The following CCDC187 variants were observed in gnomAD, a reference collection of about 807,000 sequenced individuals.
CCDC187 encodes coiled-coil domain-containing protein 187.
A neutral mutation model predicts 38.0 loss-of-function variants in CCDC187; 32 were observed. The observed-to-expected ratio is 0.84, with a 90% confidence interval of 0.64 to 1.13. CCDC187 has a LOEUF of 1.13. Among genes scored for constraint, CCDC187 ranks in the 50% most tolerant of loss-of-function variants. The pLI, the probability that CCDC187 is intolerant of heterozygous loss-of-function variation, is 0.00. For synonymous variants in CCDC187, 333 were observed against 347.9 expected (o/e 0.96, Z 0.48); for missense variants, 707 against 786.8 (o/e 0.90, Z 1.21).
chr9:136,293,359 A>C (rs1172988787), intron 4 of CCDC187, among the ~76,000 whole-genome samples: 1 of 134,738 alleles, frequency 7.4e-6, no homozygotes, highest in Admixed American at 7.3e-5. Flanking sequence ...GCTCACACAC[A>C]TTCACATGCT....
chr9:136,273,285 A>C (rs574983462), intron 14 of CCDC187, among the ~76,000 whole-genome samples: 1 of 152,226 alleles, frequency 6.6e-6, no homozygotes, highest in Non-Finnish European at 1.5e-5. Context: ...ACACACTTCA[A>C]ATACAAAGAT....
At chr9:136,283,791 T>C (rs1258301220) in intron 9 of CCDC187, among the ~76,000 whole-genome samples, 1 of 152,172 alleles carries the variant, frequency 6.6e-6, no homozygotes, top group Non-Finnish European at 1.5e-5. Flanking sequence ...GAAATTAACC[T>C]TTTCAAAAAT....
intron 18 of CCDC187, among the ~76,000 whole-genome samples, chr9:136,262,736 G>A (rs1830694554): frequency 6.6e-6 from 1 of 152,182 alleles, no homozygotes; most frequent in Admixed American, 6.5e-5. Flanking sequence ...CAGGTTGCTG[G>A]TGTCCCCTCT....
At chr9:136,275,520 C>T (rs938539662) in intron 12 of CCDC187, among the ~76,000 whole-genome samples, 108 of 152,300 alleles carry the variant, frequency 7.1e-4, no homozygotes, top group African/African-American at 2.3e-3. Context: ...CCATCACTCT[C>T]CTGGAGATGC....
At position 136,255,143 on chromosome 9, in the gene CCDC187, G is replaced by T; in HGVS notation, c.4694-9C>A. 1.0e-6 allele frequency: 1 copy of T among 985,314 alleles called. No individual in the cohort carries two copies. The highest frequency in any genetic ancestry group is 1.2e-6 in the Non-Finnish European group (1 of 829,814). The allele number at this position is 985,314 out of a possible 1,614,324, so 61.0% of individuals were successfully genotyped here. ...AGGGACCACAGGAGCTGCTAAGAGAGGGGGCAATCAACAGTGGTCACCCTC... is the reference window on the plus strand; with the variant it reads ...AGGGACCACAGGAGCTGCTAAGAGATGGGGCAATCAACAGTGGTCACCCTC... On this transcript the variant is annotated splice_polypyrimidine_tract_variant and intron_variant, in intron 25 of 25. Transcript: ENST00000638797.
At chr9:136,271,733 G>T (rs906096753) in intron 14 of CCDC187, among the ~76,000 whole-genome samples, 3 of 145,882 alleles carry the variant, frequency 2.1e-5, no homozygotes, top group Non-Finnish European at 4.5e-5. Context: ...TCAGCCTCCC[G>T]AGTAGCTGGG....
rs1405007772 is a variant in CCDC187, at chr9:136,264,709, C to T, written c.3736-911G>A. ...AGTCAACATAAGGTCCTGCACTGACCCCATTTCCCAGCAGAGGGTCGTGGG... is the reference window on the plus strand; with the variant it reads ...AGTCAACATAAGGTCCTGCACTGACTCCATTTCCCAGCAGAGGGTCGTGGG... On this transcript the variant is annotated intron_variant, in intron 17 of 25. Coordinates refer to ENST00000638797, the MANE Select transcript of CCDC187 (RefSeq NM_001378188.1). This position sits in a 1 kb window ranked among gnomAD's most constrained non-coding sequence, Gnocchi z 4.3. Among the ~76,000 whole-genome samples the T allele has an allele frequency of 1.3e-5, 2 of 152,118 alleles. No homozygotes were observed. The highest frequency in any genetic ancestry group is 1.9e-4 in the East Asian group (1 of 5,160).
At position 136,291,582 on chromosome 9, in the gene CCDC187, G is replaced by A. The variant is rs1018147354; in HGVS notation, c.1031C>T (p.Thr344Ile). 585 of 398,788 alleles carry A rather than the reference G, an allele frequency of 1.5e-3. 3 individuals carry two copies. The highest frequency in any genetic ancestry group is 2.3e-3 in the Non-Finnish European group (519 of 226,162). 24.7% of individuals were successfully genotyped at this position (398,788 alleles called of 1,614,324 possible). A position where few individuals can be genotyped will look rare whatever the true frequency, so the allele number is the denominator to read the frequency against. ...CACCTGCTGGTCACTGTAGGCGGAG[G>A]TGGCATCGGGCAACTGGGCACAAAC... ...SPVCAQLPDA[T>I]SAYSDQQVSG... Residue 344 changes from threonine (T) to isoleucine (I), a missense_variant, in exon 6 of 26, where the codon ACC (threonine) becomes ATC (isoleucine). Physicochemically the swap from Thr to Ile is moderately conservative, Grantham distance 89. Coordinates refer to ENST00000638797, the MANE Select transcript of CCDC187 (RefSeq NM_001378188.1).
rs892053449 is a variant in CCDC187, at chr9:136,286,100, C to T, written c.2818G>A (p.Glu940Lys). 760 of 398,534 alleles carry T rather than the reference C, an allele frequency of 1.9e-3. 10 individuals are homozygous for T. In the East Asian group the frequency reaches 0.021, roughly 11 times the overall value. The allele number at this position is 398,534 out of a possible 1,614,324, so 24.7% of individuals were successfully genotyped here. A position where few individuals can be genotyped will look rare whatever the true frequency, so the allele number is the denominator to read the frequency against. ...GCCGGCCTACCTCGGGGCTTGCTCT[C>T]GCAGTGGGCCCTCGGGCTCACACTC... ...QQSVSPRAHC[E>K]SKPRGFPEEG... Residue 940 changes from glutamate to lysine, a missense_variant, in exon 8 of 26, where the codon GAG (glutamate) becomes AAG (lysine). Physicochemically the swap from Glu to Lys is moderately conservative, Grantham distance 56 (BLOSUM62 1). Coordinates refer to ENST00000638797, the MANE Select transcript of CCDC187 (RefSeq NM_001378188.1).
intron 10 of CCDC187, among the ~76,000 whole-genome samples, chr9:136,278,870 A>G (rs961319880): frequency 1.3e-5 from 2 of 152,270 alleles, no homozygotes; most frequent in South Asian, 4.1e-4. Flanking sequence ...TGACAGCCAC[A>G]TGTGGCTGGT....
upstream of CCDC187, among the ~76,000 whole-genome samples, chr9:136,306,509 G>A (rs1452494994): frequency 1.3e-5 from 2 of 152,170 alleles, no homozygotes; most frequent in African/African-American, 4.8e-5. Context: ...GGCCCCCAGT[G>A]CACCACGCGC....
chr9:136,293,464 C>CA (rs1831426659), intron 4 of CCDC187, among the ~76,000 whole-genome samples: 2 of 37,560 alleles, frequency 5.3e-5, no homozygotes, highest in African/African-American at 2.0e-4. Context: ...CACACTCACA[C>CA]TCACATGCTC....
chr9:136,285,272 G>A (rs1421338342), intron 9 of CCDC187, among the ~76,000 whole-genome samples: 4 of 152,158 alleles, frequency 2.6e-5, no homozygotes, highest in East Asian at 1.9e-4. Context: ...CAGTTCAGGG[G>A]GCATTCGTGG....
At chr9:136,292,126 GAGCAGGACAGAGCC>G in intron 5 of CCDC187, 21 bp downstream of exon 5, 1 of 398,640 alleles carries the variant, frequency 2.5e-6, no homozygotes, top group African/African-American at 2.1e-5. Flanking sequence ...TGCCACAGCA[GAGCAGGACAGAGCC>G]CATGGCAGAG....
chr9:136,259,649 C>T (rs1830658142), intron 20 of CCDC187, among the ~76,000 whole-genome samples: 1 of 152,198 alleles, frequency 6.6e-6, no homozygotes, highest in Non-Finnish European at 1.5e-5. Flanking sequence ...GCCCGAGGGT[C>T]TGCTCAGCCC....
At chr9:136,293,120 CACAA>C (rs1228288665) in intron 4 of CCDC187, among the ~76,000 whole-genome samples, 7,692 of 147,708 alleles carry the variant, frequency 0.052, 686 homozygotes, top group African/African-American at 0.18. Context: ...CTCACACACT[CACAA>C]ACACTCACAT....
chr9:136,255,601 G>T, intron 25 of CCDC187, 56 bp downstream of exon 25: 1 of 816,808 alleles, frequency 1.2e-6, no homozygotes, highest in Non-Finnish European at 1.5e-6. Flanking sequence ...AATGGCTTGG[G>T]GGACCCTTAG....
At chr9:136,283,894 C>G (rs1342314683) in intron 9 of CCDC187, among the ~76,000 whole-genome samples, 1 of 152,172 alleles carries the variant, frequency 6.6e-6, no homozygotes, top group Non-Finnish European at 1.5e-5. Context: ...AGGTCTGGCC[C>G]GATGCTGCCC....
At chr9:136,262,634 CCT>C (rs1554761127) in intron 18 of CCDC187, among the ~76,000 whole-genome samples, 172 bp from the exon 19 acceptor site, 1 of 152,190 alleles carries the variant, frequency 6.6e-6, no homozygotes, top group African/African-American at 2.4e-5. Flanking sequence ...GAGCAGGGGT[CCT>C]GCACCCCCAC....
Sources: allele counts gnomAD v4.1 joint callset (sites outside exome capture counted in the v4.1 genomes callset), GRCh38; gene constraint gnomAD v4.1.1; non-coding constraint Gnocchi (gnomAD v3.1); transcripts MANE v1.5; gene names NCBI Gene and HGNC (gene_info 2026-07-23, HGNC 2026-07-21).